Variants in ATG5 observed in about 807,000 individuals in gnomAD.
The protein encoded by ATG5 is autophagy related 5, also known as autophagy protein 5.
ATG5 carries 14 observed loss-of-function variants against 36.5 expected under a neutral mutation model. The observed-to-expected ratio is 0.38, with a 90% CI of 0.25 to 0.60. The LOEUF (loss-of-function observed/expected upper bound fraction) is 0.60, where lower values mean the gene tolerates loss of function less well. Ranked by LOEUF, ATG5 falls within the 20% of genes least tolerant of loss-of-function variation. The pLI is 0.60. For missense variants in ATG5, 195 were observed against 326.7 expected (o/e 0.60, Z 3.11); for synonymous variants, 95 against 101.5 (o/e 0.94, Z 0.38).
At chr6:106,311,714 CAAGT>C (rs1205309156) in intron 2 of ATG5, among the ~76,000 whole-genome samples, 6 of 152,088 alleles carry the variant, frequency 3.9e-5, no homozygotes, top group East Asian at 1.9e-4. Context: ...TTTAAGCAAG[CAAGT>C]GACAAGATCA....
chr6:106,244,698 T>C (rs6913052), intron 6 of ATG5, among the ~76,000 whole-genome samples: 3,181 of 152,354 alleles, frequency 0.021, 97 homozygotes, highest in African/African-American at 0.073. Context: ...ACCTTTAGAC[T>C]ATAACCTTCT....
chr6:106,263,400 C>T lies in ATG5; in HGVS notation c.479-15156G>A, dbSNP rs562402395. On this transcript the variant is annotated intron_variant, in intron 5 of 7. Coordinates refer to ENST00000369076, the MANE Select transcript of ATG5 (RefSeq NM_004849.4). ...GGGACACAGCACCTGGGGGAAGGGG[C>T]GGCTGTGGGTGCAGCTCCAGCGGAT... Among the ~76,000 whole-genome samples, 4 of 152,302 alleles carry T rather than the reference C, an allele frequency of 2.6e-5. No homozygotes were observed. In the South Asian group the frequency reaches 6.2e-4, roughly 24 times the overall value.
intron 5 of ATG5, among the ~76,000 whole-genome samples, chr6:106,276,318 G>A (rs1391469675): frequency 6.6e-6 from 1 of 151,974 alleles, no homozygotes; most frequent in Non-Finnish European, 1.5e-5. Flanking sequence ...CAAAAAATTA[G>A]CCAGGCACGG....
In ATG5 at chr6:106,184,538, A is replaced by G. The variant is rs1414925962; in HGVS notation, c.*2002T>C. 1 of 152,272 alleles carries G rather than the reference A, an allele frequency of 6.6e-6. No individual in the cohort carries two copies. The highest frequency in any genetic ancestry group is 1.5e-5 in the Non-Finnish European group (1 of 68,020). The allele number at this position is 152,272 out of a possible 1,614,324, so 9.4% of individuals were successfully genotyped here. A position where few individuals can be genotyped will look rare whatever the true frequency, so the allele number is the denominator to read the frequency against. The stretch of plus-strand genomic sequence containing the variant: ...TTCAAATGAAAAGAAACAAAAATAG[A>G]TTATTTAAGCCAGCATGAATTTCTG... On this transcript the variant is annotated 3_prime_UTR_variant, in exon 8 of 8. Coordinates refer to ENST00000369076, the MANE Select transcript of ATG5 (RefSeq NM_004849.4).
At position 106,209,764 on chromosome 6, in the gene ATG5, T is replaced by C. The variant is rs577978131; in HGVS notation, c.574-7675A>G. ...ACTGTAATTATGCAAGATGTTAGAA[T>C]TGGGGGAAACTAGATGAAGGGTATG... On this transcript the variant is annotated intron_variant, in intron 6 of 7. Transcript: ENST00000369076. Among the ~76,000 whole-genome samples the C allele has an allele frequency of 1.9e-4, 29 of 152,300 alleles. No individual in the cohort carries two copies. In the South Asian group the frequency reaches 4.1e-3, roughly 22 times the overall value.
intron 3 of ATG5, among the ~76,000 whole-genome samples, chr6:106,304,909 T>C (rs574765071): frequency 6.6e-6 from 1 of 152,230 alleles, no homozygotes; most frequent in African/African-American, 2.4e-5. Flanking sequence ...CTGGCCAATA[T>C]GGTGAAACCC....
At chr6:106,299,447 C>CT (rs1174354212) in intron 3 of ATG5, among the ~76,000 whole-genome samples, 1 of 152,122 alleles carries the variant, frequency 6.6e-6, no homozygotes, top group Non-Finnish European at 1.5e-5. Context: ...AACACCAACT[C>CT]TTATCCAGAA....
intron 6 of ATG5, among the ~76,000 whole-genome samples, chr6:106,229,270 C>T (rs1393133297): frequency 6.6e-6 from 1 of 152,250 alleles, no homozygotes; most frequent in Non-Finnish European, 1.5e-5. Context: ...GGTGTCCCTC[C>T]TGATTTAGGT....
intron 7 of ATG5, among the ~76,000 whole-genome samples, chr6:106,195,645 G>A (rs1433435509): frequency 1.3e-5 from 2 of 152,018 alleles, no homozygotes; most frequent in Admixed American, 6.6e-5. Flanking sequence ...CATTATCTAT[G>A]TCATTTCAAT....
chr6:106,269,266 A>T (rs1016638592), intron 5 of ATG5, among the ~76,000 whole-genome samples: 3 of 152,118 alleles, frequency 2.0e-5, no homozygotes, highest in African/African-American at 7.2e-5. Context: ...ACCTTGAGCT[A>T]GATACAGAGT....
intron 6 of ATG5, among the ~76,000 whole-genome samples, chr6:106,224,514 G>A (rs1366238059): frequency 6.6e-6 from 1 of 152,220 alleles, no homozygotes; most frequent in Non-Finnish European, 1.5e-5. Context: ...AGTAGATTAT[G>A]TATTTGGTAG....
chr6:106,219,519 C>T (rs1324336199), intron 6 of ATG5, among the ~76,000 whole-genome samples: 1 of 152,124 alleles, frequency 6.6e-6, no homozygotes, highest in African/African-American at 2.4e-5. Context: ...TCCCTAACTA[C>T]AGTATAACAA....
intron 4 of ATG5, among the ~76,000 whole-genome samples, chr6:106,292,224 A>G (rs1225854902): frequency 3.3e-5 from 5 of 152,218 alleles, no homozygotes; most frequent in Admixed American, 2.6e-4. Flanking sequence ...ATCAACTAAT[A>G]TAAGAGACCG....
At chr6:106,232,169 C>T (rs1468899459) in intron 6 of ATG5, among the ~76,000 whole-genome samples, 1 of 152,162 alleles carries the variant, frequency 6.6e-6, no homozygotes, top group East Asian at 1.9e-4. Flanking sequence ...CCTGGGTATG[C>T]TTGACCATTG....
chr6:106,268,604 T>C (rs1302633689), intron 5 of ATG5, among the ~76,000 whole-genome samples: 1 of 152,114 alleles, frequency 6.6e-6, no homozygotes, highest in African/African-American at 2.4e-5. Flanking sequence ...CTATTTACAA[T>C]AGCAAAGACT....
intron 3 of ATG5, among the ~76,000 whole-genome samples, chr6:106,307,276 A>T (rs773077175): frequency 6.6e-6 from 1 of 152,150 alleles, no homozygotes; most frequent in African/African-American, 2.4e-5. Context: ...ATTTTTAACC[A>T]ATTTGTATTT....
At chr6:106,322,222 ATC>A (rs1053893731) in intron 1 of ATG5, among the ~76,000 whole-genome samples, 19 of 152,068 alleles carry the variant, frequency 1.2e-4, no homozygotes, top group African/African-American at 4.4e-4. Flanking sequence ...CACCAACAAC[ATC>A]TGTTAACCAA....
chr6:106,228,358 T>A (rs754351203), intron 6 of ATG5, among the ~76,000 whole-genome samples: 4 of 152,184 alleles, frequency 2.6e-5, no homozygotes, highest in African/African-American at 9.7e-5. Flanking sequence ...GAGACGCCCA[T>A]TGCCGATCCC....
At chr6:106,282,207 G>A (rs1403607118) in intron 4 of ATG5, among the ~76,000 whole-genome samples, 1 of 152,132 alleles carries the variant, frequency 6.6e-6, no homozygotes, top group Non-Finnish European at 1.5e-5. Flanking sequence ...TCTACATCAG[G>A]TGCTACAATT....
Sources: gnomAD v4.1 joint callset for allele counts (sites outside exome capture counted in the v4.1 genomes callset) on GRCh38, gnomAD v4.1.1 for gene constraint, MANE v1.5 for transcripts, NCBI Gene and HGNC (gene_info 2026-07-23, HGNC 2026-07-21) for gene names.